The following FLII variants were observed in gnomAD, a reference collection of about 807,000 sequenced individuals.
FLII encodes FLII actin remodeling protein.
FLII carries 101 observed loss-of-function variants against 156.2 expected under a neutral mutation model. That is an observed-to-expected ratio of 0.65 (90% CI 0.55 to 0.76). FLII has a LOEUF of 0.76. FLII is among the 30% of genes least tolerant of loss of function. The pLI, the probability that FLII is intolerant of heterozygous loss-of-function variation, is 0.00. For synonymous variants in FLII, 767 were observed against 685.8 expected (o/e 1.12, Z -1.85); for missense variants, 1,675 against 1,682.8 (o/e 1.00, Z 0.08).
At position 18,257,087 on chromosome 17, in the gene FLII, A is replaced by G; in HGVS notation, c.64-68T>C. On this transcript the variant is annotated intron_variant, in intron 1 of 29. Transcript: ENST00000327031. ...CCACCTTCTATGGCTCCTCCAGCCC[A>G]TGGGAGCCTTTGGGGAGCCACAGAA... 5 of 1,053,998 alleles carry G rather than the reference A, an allele frequency of 4.7e-6. No individual in the cohort carries two copies. In the East Asian group the frequency reaches 1.3e-4, roughly 28 times the overall value. The allele number at this position is 1,053,998 out of a possible 1,614,324, so 65.3% of individuals were successfully genotyped here. A position where few individuals can be genotyped will look rare whatever the true frequency, so the allele number is the denominator to read the frequency against.
intron 15 of FLII, 36 bp downstream of exon 15, chr17:18,249,290 C>A (rs1422106883): frequency 6.2e-7 from 1 of 1,611,554 alleles, no homozygotes; most frequent in Non-Finnish European, 8.5e-7. Flanking sequence ...CCAGCAGACT[C>A]CAGGTCCATA....
In FLII at chr17:18,245,232, G is replaced by A. The variant is rs753843419; in HGVS notation, c.3716C>T (p.Pro1239Leu). 75 of 1,613,898 alleles carry A rather than the reference G, an allele frequency of 4.6e-5. No individual in the cohort carries two copies. In the Middle Eastern group the frequency reaches 6.6e-4, roughly 14 times the overall value. Residue 1239 changes from proline (P) to leucine (L), a missense_variant, in exon 30 of 30, where the codon CCG becomes CTG. Transcript: ENST00000327031. ...CTTGCGGACCAGGCGCAGCCGGCGC[G>A]GCCGCTCATGTTCCTTGGACCGCAT... ...QHMRSKEHER[P>L]RRLRLVRKGN...
At position 18,258,588 on chromosome 17, in the gene FLII, G is replaced by C; in HGVS notation, c.63+40C>G. 6.5e-7 allele frequency: 1 copy of C among 1,533,364 alleles called. No individual in the cohort carries two copies. Among genetic ancestry groups the C allele is most frequent in the South Asian group, 1.2e-5 (1 of 83,726 alleles). The allele number at this position is 1,533,364 out of a possible 1,614,324, so 95.0% of individuals were successfully genotyped here. On this transcript the variant is annotated intron_variant, in intron 1 of 29. Coordinates refer to ENST00000327031, the MANE Select transcript of FLII (RefSeq NM_002018.4). The surrounding 1 kb of genome is among the most constrained non-coding windows in gnomAD (Gnocchi z 4.2). Reference sequence around the variant, plus strand: ...GCCAAGCGGGCCGGGCGGAAGAGAAGGCCTGCAGGGAGGCCCGGCACGCGC... The same window carrying C: ...GCCAAGCGGGCCGGGCGGAAGAGAACGCCTGCAGGGAGGCCCGGCACGCGC...
intron 2 of FLII, 143 bp from the exon 3 acceptor site, chr17:18,256,740 C>T (rs1299393441): frequency 1.1e-5 from 9 of 821,526 alleles, no homozygotes; most frequent in African/African-American, 5.1e-5. Context: ...CTCACTCACC[C>T]GGCCTCTTCT....
At position 18,245,535 on chromosome 17, in the gene FLII, G is replaced by GAA. The variant is rs1424139002; in HGVS notation, c.3609+19_3609+20insTT. ...TATGGGCGCCTCCTTGGATGGGCAG[G>GAA]GCTAGTGGCAACATCACACCTCTTG... On this transcript the variant is annotated intron_variant, in intron 28 of 29. Coordinates refer to ENST00000327031, the MANE Select transcript of FLII (RefSeq NM_002018.4). The GAA allele has an allele frequency of 4.3e-6, 7 of 1,611,762 alleles. No individual in the cohort carries two copies. In the Admixed American group the frequency reaches 5.0e-5, roughly 12 times the overall value.
At chr17:18,255,448 A>G (rs2048386730) in intron 3 of FLII, among the ~76,000 whole-genome samples, 185 bp from the exon 4 acceptor site, 1 of 152,086 alleles carries the variant, frequency 6.6e-6, no homozygotes. Flanking sequence ...GTGAGCTCCT[A>G]TTCATGCCTC....
At position 18,245,943 on chromosome 17, in the gene FLII, G is replaced by A. The variant is rs745592481; in HGVS notation, c.3387C>T (p.Tyr1129=). Reference sequence around the variant, plus strand: ...CCGCCCGCCTCCTGACCTGCTTGCTGTAGGAGGTGTCAAACATGGTGTTCA... The same window carrying A: ...CCGCCCGCCTCCTGACCTGCTTGCTATAGGAGGTGTCAAACATGGTGTTCA... ...DILNTMFDTS[Y]SKQVINEGEE... is the part of the protein sequence containing the mutation. Residue 1129 remains tyrosine, a synonymous_variant, in exon 26 of 30, where the codon TAC becomes TAT. Coordinates refer to ENST00000327031, the MANE Select transcript of FLII (RefSeq NM_002018.4). 1.9e-6 allele frequency: 3 copies of A among 1,614,044 alleles called. No homozygotes were observed. Among genetic ancestry groups the A allele is most frequent in the Non-Finnish European group, 2.5e-6 (3 of 1,179,980 alleles).
Position 18,254,841 on chromosome 17 carries a change from T to A in FLII, c.341A>T (p.Asn114Ile), listed in dbSNP as rs1167732955. Reference sequence around the variant, plus strand: ...CTCCCGCGGGCACTCTGTCAGCTGGTTGTGGCTCAAGTCCTGGGTAGAAGG... The same window carrying A: ...CTCCCGCGGGCACTCTGTCAGCTGGATGTGGCTCAAGTCCTGGGTAGAAGG... Reference protein sequence around the residue: ...DDLSVLDLSHNQLTECPRELE... With the variant: ...DDLSVLDLSHIQLTECPRELE... The change falls in exon 5 of 30, where the codon AAC becomes ATC. Residue 114 changes from asparagine to isoleucine, a missense_variant. Physicochemically the swap from Asn to Ile is moderately radical, Grantham distance 149. This residue lies in a region of FLII where 343 missense variants were observed against 413.5 expected (regional missense o/e 0.83). Coordinates refer to ENST00000327031, the MANE Select transcript of FLII (RefSeq NM_002018.4). The A allele has an allele frequency of 6.2e-7, 1 of 1,614,080 alleles. No homozygotes were observed. The highest frequency in any genetic ancestry group is 8.5e-7 in the Non-Finnish European group (1 of 1,180,010).
rs2048169475 is a variant in FLII at position 18,248,823 on chromosome 17, T to C, written c.1995A>G (p.Thr665=). ...ACCTGGCCTTGGTGGTGCTGCTCAGTGTGGCCTGGGCCCCCCGCCATACGT... is the reference window on the plus strand; with the variant it reads ...ACCTGGCCTTGGTGGTGCTGCTCAGCGTGGCCTGGGCCCCCCGCCATACGT... ...DIYVWRGAQA[T]LSSTTKARLF... The change falls in exon 17 of 30, where the codon ACA becomes ACG. Residue 665 remains threonine, a synonymous_variant. Transcript: ENST00000327031. 1.9e-6 allele frequency: 3 copies of C among 1,613,786 alleles called. No homozygotes were observed. The highest frequency in any genetic ancestry group is 4.5e-5 in the East Asian group (2 of 44,880).
At chr17:18,257,257 A>T (rs2048448112) in intron 1 of FLII, 1 of 493,052 alleles carries the variant, frequency 2.0e-6, no homozygotes, top group African/African-American at 2.0e-5. Flanking sequence ...TCTGGGCCCC[A>T]GGAGGGCCAG....
Position 18,245,019 on chromosome 17 carries a change from G to A in FLII, c.*119C>T. On this transcript the variant is annotated 3_prime_UTR_variant, in exon 30 of 30. Coordinates refer to ENST00000327031, the MANE Select transcript of FLII (RefSeq NM_002018.4). ...ATTGGTGCTGCTTGAGGCTACTGGG[G>A]ACTGTGGCACTGGACGTGGCTGGAG... 1 of 1,125,390 alleles carries A rather than the reference G, an allele frequency of 8.9e-7. No individual in the cohort carries two copies. The highest frequency in any genetic ancestry group is 2.4e-5 in the East Asian group (1 of 42,308). The allele number at this position is 1,125,390 out of a possible 1,614,324, so 69.7% of individuals were successfully genotyped here.
At position 18,246,203 on chromosome 17, in the gene FLII, C is replaced by A; in HGVS notation, c.3226G>T (p.Asp1076Tyr). ...AACTCGGAGTTGAGGAGGCTGGAGT[C>A]GGTGTTGATCTGGATGCACCTGTGG... ...LCTRCIQINT[D>Y]SSLLNSEFCF... The change falls in exon 25 of 30, where the codon GAC (aspartate) becomes TAC (tyrosine). Residue 1076 changes from aspartate (D) to tyrosine (Y), a missense_variant. By Grantham distance (160) the Asp-to-Tyr change is radical (BLOSUM62 -3). Coordinates refer to ENST00000327031, the MANE Select transcript of FLII (RefSeq NM_002018.4). The A allele has an allele frequency of 6.2e-7, 1 of 1,614,130 alleles. No homozygotes were observed.
chr17:18,245,231 C>A lies in FLII; in HGVS notation c.3717G>T (p.Pro1239=). The A allele has an allele frequency of 1.2e-6, 2 of 1,613,854 alleles. No individual in the cohort carries two copies. Among genetic ancestry groups the A allele is most frequent in the Non-Finnish European group, 1.7e-6 (2 of 1,179,838 alleles). The change falls in exon 30 of 30, where the codon CCG becomes CCT. Residue 1239 remains proline (P), a synonymous_variant. Coordinates refer to ENST00000327031, the MANE Select transcript of FLII (RefSeq NM_002018.4). The part of the protein sequence containing the change: ...QHMRSKEHER[P]RRLRLVRKGN... ...CCTTGCGGACCAGGCGCAGCCGGCG[C>A]GGCCGCTCATGTTCCTTGGACCGCA...
At position 18,253,340 on chromosome 17, in the gene FLII, G is replaced by A; in HGVS notation, c.974C>T (p.Ala325Val). The A allele has an allele frequency of 6.2e-7, 1 of 1,613,926 alleles. No homozygotes were observed. The highest frequency in any genetic ancestry group is 8.5e-7 in the Non-Finnish European group (1 of 1,180,032). ...AGGGACCAGCTCCAGGTTGTTGTTG[G>A]CAGCCATGAACTCTTCCAGGTTGGT... is the stretch of plus-strand genomic sequence containing the variant. ...KLTNLEEFMA[A>V]NNNLELVPES... Residue 325 changes from alanine to valine, a missense_variant, in exon 9 of 30, where the codon GCC (alanine) becomes GTC (valine). This residue lies in a region of FLII where 1,332 missense variants were observed against 1,269.3 expected (regional missense o/e 1.05). Coordinates refer to ENST00000327031, the MANE Select transcript of FLII (RefSeq NM_002018.4).
chr17:18,253,783 T>C, intron 7 of FLII, 64 bp from the exon 8 acceptor site: 1 of 1,459,102 alleles, frequency 6.9e-7, no homozygotes. Flanking sequence ...CAGCCAGCCC[T>C]AGTGTGAACC....
At chr17:18,254,225 G>A in intron 6 of FLII, 43 bp from the exon 7 acceptor site, 1 of 1,484,622 alleles carries the variant, frequency 6.7e-7, no homozygotes, top group African/African-American at 1.4e-5. Flanking sequence ...GCCCACCTAG[G>A]GAGTGTTAAG....
Position 18,258,435 on chromosome 17 carries a change from GT to G in FLII, c.63+192del. ...TCCGTCCCCGGCCTGCCCAGCCTCG[GT>G]CTCCCCGTACAGGCACTGGGCGGAG... On this transcript the variant is annotated intron_variant, in intron 1 of 29. Transcript: ENST00000327031. This position sits in a 1 kb window ranked among gnomAD's most constrained non-coding sequence, Gnocchi z 4.2. 1.3e-6 allele frequency: 2 copies of G among 1,484,072 alleles called. No homozygotes were observed. Among genetic ancestry groups the G allele is most frequent in the Non-Finnish European group, 1.8e-6 (2 of 1,115,370 alleles). The allele number at this position is 1,484,072 out of a possible 1,614,324, so 91.9% of individuals were successfully genotyped here.
At position 18,255,130 on chromosome 17, in the gene FLII, G is replaced by C; in HGVS notation, c.327+53C>G. The C allele has an allele frequency of 2.2e-6, 3 of 1,367,548 alleles. No individual in the cohort carries two copies. The South Asian group carries it at 3.5e-5, about 16-fold the overall frequency. 84.7% of individuals were successfully genotyped at this position (1,367,548 alleles called of 1,614,324 possible). A position where few individuals can be genotyped will look rare whatever the true frequency, so the allele number is the denominator to read the frequency against. ...GCCCCAGGGACTTTTATAGTGAGTG[G>C]GGATTGAATGGTCCGGCTAGCACAG... is the stretch of plus-strand genomic sequence containing the variant. On this transcript the variant is annotated intron_variant, in intron 4 of 29. Coordinates refer to ENST00000327031, the MANE Select transcript of FLII (RefSeq NM_002018.4).
At chr17:18,253,504 G>A (rs971692756) in intron 8 of FLII, 40 bp downstream of exon 8, 18 of 1,613,246 alleles carry the variant, frequency 1.1e-5, no homozygotes, top group East Asian at 4.5e-5. Flanking sequence ...CCAGGCTCAC[G>A]GCCTTCCTCC....
Sources: allele counts gnomAD v4.1 joint callset (sites outside exome capture counted in the v4.1 genomes callset), GRCh38; gene constraint gnomAD v4.1.1; regional missense constraint gnomAD v4.1.1; non-coding constraint Gnocchi (gnomAD v3.1); transcripts MANE v1.5; gene names NCBI Gene and HGNC (gene_info 2026-07-23, HGNC 2026-07-21).